RAD23B: variants seen among roughly 807,000 people sequenced by gnomAD.
RAD23B encodes the protein lysine-specific demethylase RAD23B.
RAD23B carries 5 observed loss-of-function variants against 49.1 expected under a neutral mutation model. The ratio of observed to expected loss-of-function variants is 0.10; its 90% CI spans 0.05 to 0.21. The LOEUF is 0.21. Among genes scored for constraint, RAD23B ranks in the 10% least tolerant of loss-of-function variants. The pLI is 1.00. For synonymous variants in RAD23B, 184 were observed against 165.4 expected (o/e 1.11, Z -0.86); for missense variants, 356 against 486.7 (o/e 0.73, Z 2.53).
intron 7 of RAD23B, among the ~76,000 whole-genome samples, chr9:107,323,276 G>C (rs563763035): frequency 6.6e-6 from 1 of 152,268 alleles, no homozygotes; most frequent in East Asian, 1.9e-4. Flanking sequence ...TTGCCATACA[G>C]CTTATTTATC....
intron 7 of RAD23B, among the ~76,000 whole-genome samples, chr9:107,323,443 C>G (rs1827146033): frequency 6.6e-6 from 1 of 152,102 alleles, no homozygotes; most frequent in Non-Finnish European, 1.5e-5. Flanking sequence ...CCTAGGAATT[C>G]AAGCTCAGAT....
chr9:107,331,048 T>C lies in RAD23B; in HGVS notation c.*1392T>C, dbSNP rs1827296771. 1 of 132,966 alleles carries C rather than the reference T, an allele frequency of 7.5e-6. No individual in the cohort carries two copies. The highest frequency in any genetic ancestry group is 2.5e-4 in the South Asian group (1 of 4,068). The allele number at this position is 132,966 out of a possible 1,614,324, so 8.2% of individuals were successfully genotyped here. A position where few individuals can be genotyped will look rare whatever the true frequency, so the allele number is the denominator to read the frequency against. On this transcript the variant is annotated 3_prime_UTR_variant, in exon 10 of 10. Coordinates refer to ENST00000358015, the MANE Select transcript of RAD23B (RefSeq NM_002874.5). The stretch of plus-strand genomic sequence containing the variant: ...TAAATAAGAGTATTTAAAGAAATAA[T>C]TTGGATTGCTTTTGTTTTTTGTTTC...
chr9:107,301,674 A>C (rs1826657171), intron 2 of RAD23B, among the ~76,000 whole-genome samples: 1 of 152,020 alleles, frequency 6.6e-6, no homozygotes, highest in Non-Finnish European at 1.5e-5. Context: ...AGTAGCTAGG[A>C]CCATAGGCAT....
chr9:107,306,231 A>G, intron 3 of RAD23B, 148 bp from the exon 4 acceptor site: 1 of 694,170 alleles, frequency 1.4e-6, no homozygotes, highest in South Asian at 2.4e-5. Context: ...AATATTGATC[A>G]TTTATTGTGT....
At chr9:107,324,069 A>G in intron 8 of RAD23B, 52 bp downstream of exon 8, 1 of 1,581,278 alleles carries the variant, frequency 6.3e-7, no homozygotes, top group South Asian at 1.1e-5. Context: ...TCACAATTTG[A>G]AAAAGTCCAT....
At chr9:107,288,474 C>G (rs1833319693) in intron 1 of RAD23B, among the ~76,000 whole-genome samples, 1 of 152,152 alleles carries the variant, frequency 6.6e-6, no homozygotes, top group African/African-American at 2.4e-5. Flanking sequence ...GAGATGCAGT[C>G]TTACTCTGTA....
chr9:107,318,228 T>C lies in RAD23B; in HGVS notation c.554-524T>C, dbSNP rs1243108173. ...AAGTGTGACACAGGGCTCACTGTAC[T>C]AAAATCAGGGAGCCGGCATTCCTTT... On this transcript the variant is annotated intron_variant, in intron 5 of 9. Transcript: ENST00000358015. This position sits in a 1 kb window ranked among gnomAD's most constrained non-coding sequence, Gnocchi z 4.3. 6.6e-6 allele frequency among the ~76,000 whole-genome samples: 1 copy of C among 152,198 alleles called. No homozygotes were observed. Among genetic ancestry groups the C allele is most frequent in the East Asian group, 1.9e-4 (1 of 5,198 alleles).
rs781244562 is a variant in RAD23B, at chr9:107,318,367, TCTC to T, written c.554-375_554-373del. On this transcript the variant is annotated intron_variant, in intron 5 of 9. Transcript: ENST00000358015. The surrounding 1 kb of genome is among the most constrained non-coding windows in gnomAD (Gnocchi z 4.3). ...CATAACATCTCTCATCCTGGTTTTGTCTCCTCCTCCTCACACCTGTTTCTCTGA... is the reference window on the plus strand; with the variant it reads ...CATAACATCTCTCATCCTGGTTTTGTCTCCTCCTCACACCTGTTTCTCTGA... Among the ~76,000 whole-genome samples, 1 of 152,184 alleles carries T rather than the reference TCTC, an allele frequency of 6.6e-6. No individual in the cohort carries two copies. Among genetic ancestry groups the T allele is most frequent in the Non-Finnish European group, 1.5e-5 (1 of 68,026 alleles).
At chr9:107,287,253 G>A (rs1036547041) in intron 1 of RAD23B, among the ~76,000 whole-genome samples, 1 of 151,976 alleles carries the variant, frequency 6.6e-6, no homozygotes, top group African/African-American at 2.4e-5. Context: ...ATACAGTGCA[G>A]TATTTTATTG....
rs553302703 is a variant in RAD23B at position 107,304,764 on chromosome 9, T to C, written c.229-1615T>C. ...GGCCTTAGGAGAAGACTAAAAATCA[T>C]GTATGATTTTTACACATGTACAGTT... On this transcript the variant is annotated intron_variant, in intron 3 of 9. Transcript: ENST00000358015. Among the ~76,000 whole-genome samples, 5 of 152,206 alleles carry C rather than the reference T, an allele frequency of 3.3e-5. No homozygotes were observed. In the South Asian group the frequency reaches 1.0e-3, roughly 32 times the overall value.
chr9:107,327,277 A>G (rs1277015955), intron 9 of RAD23B, among the ~76,000 whole-genome samples: 1 of 151,822 alleles, frequency 6.6e-6, no homozygotes, highest in Non-Finnish European at 1.5e-5. Context: ...AGTCTCTCTA[A>G]TGTTTATTTC....
chr9:107,283,382 G>C lies in RAD23B; in HGVS notation c.-248G>C, dbSNP rs1416153746. On this transcript the variant is annotated 5_prime_UTR_variant, in exon 1 of 10. Coordinates refer to ENST00000358015, the MANE Select transcript of RAD23B (RefSeq NM_002874.5). Reference sequence around the variant, plus strand: ...CTGCAGACTCCGTGGCTGGCGCTCGGCGCGTGAGGAAGCACGGCGGCCCGA... The same window carrying C: ...CTGCAGACTCCGTGGCTGGCGCTCGCCGCGTGAGGAAGCACGGCGGCCCGA... 1 of 428,878 alleles carries C rather than the reference G, an allele frequency of 2.3e-6. No individual in the cohort carries two copies. Among genetic ancestry groups the C allele is most frequent in the Non-Finnish European group, 4.1e-6 (1 of 246,792 alleles). The allele number at this position is 428,878 out of a possible 1,614,324, so 26.6% of individuals were successfully genotyped here. A position where few individuals can be genotyped will look rare whatever the true frequency, so the allele number is the denominator to read the frequency against.
chr9:107,320,470 T>C (rs1827084530), intron 6 of RAD23B, among the ~76,000 whole-genome samples: 1 of 152,246 alleles, frequency 6.6e-6, no homozygotes, highest in African/African-American at 2.4e-5. Flanking sequence ...CTAAAACTGC[T>C]GTAGAGCATC....
chr9:107,327,631 C>G (rs1246166332), intron 9 of RAD23B, among the ~76,000 whole-genome samples: 2 of 152,262 alleles, frequency 1.3e-5, no homozygotes, highest in East Asian at 1.9e-4. Flanking sequence ...AATATACTTT[C>G]AATACTTTTC....
At chr9:107,306,735 A>G in intron 4 of RAD23B, 88 bp downstream of exon 4, 3 of 1,401,262 alleles carry the variant, frequency 2.1e-6, no homozygotes, top group Non-Finnish European at 2.9e-6. Flanking sequence ...TTTTGATCAA[A>G]CCGACTATAT....
chr9:107,319,536 A>G (rs1239654021), intron 6 of RAD23B, among the ~76,000 whole-genome samples: 2 of 152,298 alleles, frequency 1.3e-5, no homozygotes, highest in Non-Finnish European at 2.9e-5. Context: ...ACATAAAAGT[A>G]CAGATTTCTG....
chr9:107,310,277 A>C (rs1176885162), intron 4 of RAD23B, among the ~76,000 whole-genome samples: 1 of 152,182 alleles, frequency 6.6e-6, no homozygotes, highest in Non-Finnish European at 1.5e-5. Flanking sequence ...GCTAATGGAG[A>C]ACAAGGAAAC....
intron 1 of RAD23B, among the ~76,000 whole-genome samples, chr9:107,288,689 C>G (rs1833323814): frequency 6.6e-6 from 1 of 152,136 alleles, no homozygotes; most frequent in South Asian, 2.1e-4. Flanking sequence ...CTCAGGAGAT[C>G]TGGGTGGCTA....
intron 9 of RAD23B, among the ~76,000 whole-genome samples, chr9:107,326,467 C>T (rs1183047076): frequency 3.3e-5 from 4 of 122,484 alleles, no homozygotes; most frequent in South Asian, 2.6e-4. Flanking sequence ...GGCCACAGAG[C>T]GAGACTCTGT....
Sources: gnomAD v4.1 joint callset for allele counts (sites outside exome capture counted in the v4.1 genomes callset) on GRCh38, gnomAD v4.1.1 for gene constraint, Gnocchi (gnomAD v3.1) non-coding constraint, MANE v1.5 for transcripts, NCBI Gene and HGNC (gene_info 2026-07-23, HGNC 2026-07-21) for gene names.